MEF2C: variants seen among roughly 807,000 people sequenced by gnomAD.
MEF2C encodes the protein myocyte enhancer factor 2C.
A neutral mutation model predicts 50.5 loss-of-function variants in MEF2C; 6 were observed. That is an observed-to-expected ratio of 0.12 (90% CI 0.07 to 0.23). The LOEUF is 0.23. Among genes scored for constraint, MEF2C ranks in the 10% least tolerant of loss-of-function variants. The pLI is 1.00. For missense variants in MEF2C, 276 were observed against 605.0 expected (o/e 0.46, Z 5.70); for synonymous variants, 183 against 228.0 (o/e 0.80, Z 1.78).
intron 2 of MEF2C, among the ~76,000 whole-genome samples, chr5:88,811,698 AG>A (rs1802889406): frequency 6.6e-6 from 1 of 152,164 alleles, no homozygotes; most frequent in African/African-American, 2.4e-5. Context: ...GAGACACAAA[AG>A]ACTGTAAAGA....
At chr5:88,761,664 C>T in intron 3 of MEF2C, 1 of 204,558 alleles carries the variant, frequency 4.9e-6, no homozygotes, top group Non-Finnish European at 9.7e-6. Flanking sequence ...AATTGCAACA[C>T]TCTCTTCCCA....
intron 1 of MEF2C, among the ~76,000 whole-genome samples, chr5:88,857,821 A>C (rs1824020738): frequency 6.6e-6 from 1 of 152,174 alleles, no homozygotes. Flanking sequence ...TTTCTTTATA[A>C]ATTATCCAGT....
rs537919124 is a variant in MEF2C at position 88,862,650 on chromosome 5, T to C, written c.-143+20305A>G. ...TATAAAGTATTCTTGGGTAGCTCCC[T>C]GTTTGGCCCTTTTCTCTTATTCATA... On this transcript the variant is annotated intron_variant, in intron 1 of 10. Coordinates refer to ENST00000504921, the MANE Select transcript of MEF2C (RefSeq NM_002397.5). 2.2e-3 allele frequency among the ~76,000 whole-genome samples: 336 copies of C among 152,332 alleles called. 2 individuals are homozygous for C. Among genetic ancestry groups the C allele is most frequent in the African/African-American group, 7.7e-3 (321 of 41,594 alleles).
At chr5:88,852,967 T>C (rs1490433376) in intron 1 of MEF2C, among the ~76,000 whole-genome samples, 1 of 151,136 alleles carries the variant, frequency 6.6e-6, no homozygotes, top group East Asian at 1.9e-4. Flanking sequence ...CTCATGTTGG[T>C]AATCCCAGCT....
intron 4 of MEF2C, among the ~76,000 whole-genome samples, chr5:88,756,613 A>C (rs1186313336): frequency 6.6e-6 from 1 of 152,158 alleles, no homozygotes; most frequent in Non-Finnish European, 1.5e-5. Flanking sequence ...CTTGACCTTG[A>C]TTTTCTTATC....
At chr5:88,899,438 C>G (rs1835425976) in intron 1 of MEF2C, among the ~76,000 whole-genome samples, 2 of 152,128 alleles carry the variant, frequency 1.3e-5, no homozygotes, top group Non-Finnish European at 2.9e-5. Flanking sequence ...AACTTACTTT[C>G]CTATGATTTG....
At chr5:88,811,059 A>G (rs1023418698) in intron 2 of MEF2C, among the ~76,000 whole-genome samples, 4 of 152,130 alleles carry the variant, frequency 2.6e-5, no homozygotes, top group African/African-American at 9.7e-5. Flanking sequence ...TAATTATCCT[A>G]CTGATCTTTT....
At chr5:88,873,673 C>T (rs1199750665) in intron 1 of MEF2C, among the ~76,000 whole-genome samples, 1 of 142,546 alleles carries the variant, frequency 7.0e-6, no homozygotes, top group African/African-American at 2.6e-5. Flanking sequence ...GAGTATCTTA[C>T]TCAGCCTTCT....
intron 5 of MEF2C, 118 bp downstream of exon 5, chr5:88,751,739 G>T: frequency 1.6e-6 from 2 of 1,216,754 alleles, no homozygotes; most frequent in Non-Finnish European, 2.3e-6. Flanking sequence ...TGGATGGTAA[G>T]CCATGAAGGA....
intron 1 of MEF2C, among the ~76,000 whole-genome samples, chr5:88,833,695 A>T (rs1201069982): frequency 6.6e-6 from 1 of 152,214 alleles, no homozygotes; most frequent in Non-Finnish European, 1.5e-5. Flanking sequence ...GACCCAGTGC[A>T]GCTGCTGAAA....
rs138093542 is a variant in MEF2C, at chr5:88,850,460, G to A, written c.-142-26530C>T. ...TGCTTTTTAACTATTACACTAAAAAGAGTCCAACATTTTAATGAAAAATAA... is the reference window on the plus strand; with the variant it reads ...TGCTTTTTAACTATTACACTAAAAAAAGTCCAACATTTTAATGAAAAATAA... On this transcript the variant is annotated intron_variant, in intron 1 of 10. Coordinates refer to ENST00000504921, the MANE Select transcript of MEF2C (RefSeq NM_002397.5). Among the ~76,000 whole-genome samples the A allele has an allele frequency of 3.9e-5, 6 of 152,268 alleles. 1 individual carries two copies. In the East Asian group the frequency reaches 1.2e-3, roughly 29 times the overall value.
At chr5:88,878,041 C>G (rs139604190) in intron 1 of MEF2C, 32 of 152,064 alleles carry the variant, frequency 2.1e-4, no homozygotes, top group African/African-American at 7.7e-4. Context: ...AGGAACACAC[C>G]CCCTTACATT....
At chr5:88,780,754 T>G in intron 3 of MEF2C, 1 of 984,926 alleles carries the variant, frequency 1.0e-6, no homozygotes, top group Non-Finnish European at 1.2e-6. Flanking sequence ...TATTTTTGTG[T>G]CAGAAGAGAA....
intron 1 of MEF2C, among the ~76,000 whole-genome samples, chr5:88,848,937 G>A (rs993090427): frequency 3.3e-5 from 5 of 152,076 alleles, no homozygotes; most frequent in Middle Eastern, 3.4e-3. Context: ...TGGATCACAA[G>A]GTCAGGAGTT....
rs369890636 is a variant in MEF2C, at chr5:88,863,824, CTTTTTT to C, written c.-143+19125_-143+19130del. On this transcript the variant is annotated intron_variant, in intron 1 of 10. Coordinates refer to ENST00000504921, the MANE Select transcript of MEF2C (RefSeq NM_002397.5). ...GTTGCAAATGACAGAATTTCTTTTTCTTTTTTTTTTTTTTTGAGAGAGAGCCTCGCT... is the reference window on the plus strand; with the variant it reads ...GTTGCAAATGACAGAATTTCTTTTTCTTTTTTTTTGAGAGAGAGCCTCGCT... Among the ~76,000 whole-genome samples the C allele has an allele frequency of 6.1e-4, 87 of 142,658 alleles. 1 individual carries two copies. The highest frequency in any genetic ancestry group is 2.2e-3 in the African/African-American group (85 of 38,860). The allele number at this position is 142,658 out of a possible 152,430, so 93.6% of individuals were successfully genotyped here.
intron 1 of MEF2C, among the ~76,000 whole-genome samples, chr5:88,859,427 G>A (rs1259284449): frequency 6.6e-6 from 1 of 152,214 alleles, no homozygotes; most frequent in Non-Finnish European, 1.5e-5. Context: ...ATGTAGCACA[G>A]ATTAGGCTTT....
intron 5 of MEF2C, among the ~76,000 whole-genome samples, chr5:88,750,516 A>G (rs939209927): frequency 1.3e-5 from 2 of 152,128 alleles, no homozygotes; most frequent in African/African-American, 2.4e-5. Flanking sequence ...CCTTCGTTAC[A>G]GTTTAAGCAA....
intron 1 of MEF2C, among the ~76,000 whole-genome samples, chr5:88,865,811 TG>T (rs1199274746): frequency 6.6e-6 from 1 of 152,186 alleles, no homozygotes; most frequent in Non-Finnish European, 1.5e-5. Context: ...GCATCGTAAG[TG>T]ACAGGAAGGC....
chr5:88,718,143 G>T lies in MEF2C; in HGVS notation c.*4461C>A, dbSNP rs559734642. 7.2e-5 allele frequency: 11 copies of T among 152,222 alleles called. No individual in the cohort carries two copies. Among genetic ancestry groups the T allele is most frequent in the African/African-American group, 2.6e-4 (11 of 41,534 alleles). The allele number at this position is 152,222 out of a possible 1,614,324, so 9.4% of individuals were successfully genotyped here. On this transcript the variant is annotated 3_prime_UTR_variant, in exon 11 of 11. Coordinates refer to ENST00000504921, the MANE Select transcript of MEF2C (RefSeq NM_002397.5). The stretch of plus-strand genomic sequence containing the variant: ...AGTTGAAAACTGAGAAAGCTCATTT[G>T]TGCTTGTGGCATAAGCTGCTTTTTA...
Sources: allele counts gnomAD v4.1 joint callset (sites outside exome capture counted in the v4.1 genomes callset), GRCh38; gene constraint gnomAD v4.1.1; transcripts MANE v1.5; gene names NCBI Gene and HGNC (gene_info 2026-07-23, HGNC 2026-07-21).